FDPS: variants seen among roughly 807,000 people sequenced by gnomAD.
FDPS encodes the protein farnesyl diphosphate synthase.
Under a neutral mutation model 49.5 loss-of-function variants are expected in FDPS, and 29 were observed. The ratio of observed to expected loss-of-function variants is 0.59; its 90% CI spans 0.44 to 0.80. The LOEUF is 0.80. FDPS is among the 30% of genes least tolerant of loss of function. FDPS has a pLI of 0.00. For missense variants in FDPS, 414 were observed against 525.6 expected (o/e 0.79, Z 2.08); for synonymous variants, 172 against 206.4 (o/e 0.83, Z 1.43).
chr1:155,318,191 T>C lies in FDPS; in HGVS notation c.584T>C (p.Ile195Thr). Residue 195 changes from isoleucine to threonine, a missense_variant, in exon 6 of 11, where the codon ATC becomes ACC. Coordinates refer to ENST00000368356, the MANE Select transcript of FDPS (RefSeq NM_002004.4). The surrounding 1 kb of genome is among the most constrained non-coding windows in gnomAD (Gnocchi z 4.2). The stretch of plus-strand genomic sequence containing the variant: ...CAGCCGGGCGTGGGTTTGGATGCCA[T>C]CAATGATGCTAACCTCCTGGAAGCA... Reference protein sequence around the residue: ...YQKPGVGLDAINDANLLEACI... With the variant: ...YQKPGVGLDATNDANLLEACI... 1 of 1,614,124 alleles carries C rather than the reference T, an allele frequency of 6.2e-7. No homozygotes were observed. The highest frequency in any genetic ancestry group is 8.5e-7 in the Non-Finnish European group (1 of 1,180,008).
In FDPS at chr1:155,319,834, G is replaced by A; in HGVS notation, c.965G>A (p.Gly322Asp). Residue 322 changes from glycine to aspartate, a missense_variant, in exon 10 of 11, where the codon GGC becomes GAC. Physicochemically the swap from Gly to Asp is moderately conservative, Grantham distance 94. Coordinates refer to ENST00000368356, the MANE Select transcript of FDPS (RefSeq NM_002004.4). ...CTCTTTGGGGACCCCAGTGTGACCGGCAAAATTGGCACTGACATCCAGGAC... is the reference window on the plus strand; with the variant it reads ...CTCTTTGGGGACCCCAGTGTGACCGACAAAATTGGCACTGACATCCAGGAC... ...LDLFGDPSVT[G>D]KIGTDIQDNK... The A allele has an allele frequency of 6.2e-7, 1 of 1,614,144 alleles. No individual in the cohort carries two copies. The highest frequency in any genetic ancestry group is 2.2e-5 in the East Asian group (1 of 44,882).
At chr1:155,316,203 C>T (rs1386478917) in intron 4 of FDPS, among the ~76,000 whole-genome samples, 3 of 151,122 alleles carry the variant, frequency 2.0e-5, no homozygotes, top group Non-Finnish European at 4.4e-5. Flanking sequence ...TGCAGTGAGC[C>T]GAGATTGCGC....
At position 155,312,268 on chromosome 1, in the gene FDPS, A is replaced by C. The variant is rs907532468; in HGVS notation, c.353A>C (p.Asn118Thr). 2 of 1,613,908 alleles carry C rather than the reference A, an allele frequency of 1.2e-6. No individual in the cohort carries two copies. The highest frequency in any genetic ancestry group is 2.7e-5 in the African/African-American group (2 of 74,906). ...IARLKEVLEY[N>T]AIGGKYNRGL... The stretch of plus-strand genomic sequence containing the variant: ...CTTGCCCTCCAGGTCCTGGAGTACA[A>C]TGCCATTGGAGGCAAGTATAACCGG... The change falls in exon 4 of 11, where the codon AAT becomes ACT. Residue 118 changes from asparagine to threonine, a missense_variant. Physicochemically the swap from Asn to Thr is moderately conservative, Grantham distance 65. Coordinates refer to ENST00000368356, the MANE Select transcript of FDPS (RefSeq NM_002004.4).
In FDPS at chr1:155,320,549, A is replaced by T. The variant is rs1045294740; in HGVS notation, c.1200A>T (p.Ala400=). ...HIMALIEQYA[A]PLPPAVFLGL... is the part of the protein sequence containing the mutation. ...TGGCTCTCATTGAACAGTACGCAGC[A>T]CCCCTGCCCCCAGCCGTCTTTCTGG... Residue 400 remains alanine, a synonymous_variant, in exon 11 of 11, where the codon GCA becomes GCT. Coordinates refer to ENST00000368356, the MANE Select transcript of FDPS (RefSeq NM_002004.4). 1.2e-6 allele frequency: 2 copies of T among 1,614,032 alleles called. No homozygotes were observed. Among genetic ancestry groups the T allele is most frequent in the African/African-American group, 1.3e-5 (1 of 74,926 alleles).
intron 3 of FDPS, 24 bp downstream of exon 3, chr1:155,310,229 A>G: frequency 4.3e-6 from 7 of 1,610,968 alleles, no homozygotes; most frequent in Non-Finnish European, 5.1e-6. Flanking sequence ...GACTTGGGGG[A>G]GTAAGGCTTT....
Position 155,309,765 on chromosome 1 carries a change from G to C in FDPS, c.-1-24G>C, listed in dbSNP as rs774086411. On this transcript the variant is annotated intron_variant, in intron 1 of 10. Transcript: ENST00000368356. Reference sequence around the variant, plus strand: ...CTTGCCCCTGCAGGGAGTGCTTAGTGCCCCCTCCCTATGCCACTCCCAGGA... The same window carrying C: ...CTTGCCCCTGCAGGGAGTGCTTAGTCCCCCCTCCCTATGCCACTCCCAGGA... The C allele has an allele frequency of 3.3e-6, 5 of 1,510,598 alleles. No individual in the cohort carries two copies. The Admixed American group carries it at 1.0e-4, about 31-fold the overall frequency. The allele number at this position is 1,510,598 out of a possible 1,614,324, so 93.6% of individuals were successfully genotyped here.
chr1:155,311,724 A>T (rs1219298616), intron 3 of FDPS, among the ~76,000 whole-genome samples: 1 of 152,042 alleles, frequency 6.6e-6, no homozygotes, highest in Non-Finnish European at 1.5e-5. Context: ...GAGGTTTTAA[A>T]TTTATTGGGA....
chr1:155,318,470 C>G lies in FDPS; in HGVS notation c.684+179C>G, dbSNP rs555028332. ...TAGTGGCAAGAAAGGGCTTCTCTGT[C>G]CTGTGTAATTGGAAGAAAGGGTGAT... On this transcript the variant is annotated intron_variant, in intron 6 of 10. Transcript: ENST00000368356. This position sits in a 1 kb window ranked among gnomAD's most constrained non-coding sequence, Gnocchi z 4.2. The G allele has an allele frequency of 2.3e-6, 2 of 860,964 alleles. No individual in the cohort carries two copies. Among genetic ancestry groups the G allele is most frequent in the Non-Finnish European group, 3.7e-6 (2 of 541,956 alleles). The allele number at this position is 860,964 out of a possible 1,614,324, so 53.3% of individuals were successfully genotyped here. A position where few individuals can be genotyped will look rare whatever the true frequency, so the allele number is the denominator to read the frequency against.
intron 4 of FDPS, among the ~76,000 whole-genome samples, chr1:155,316,031 G>A (rs1432576095): frequency 6.6e-6 from 1 of 152,166 alleles, no homozygotes; most frequent in Non-Finnish European, 1.5e-5. Flanking sequence ...AAGGTGGATG[G>A]ATCACGTGAG....
At chr1:155,316,355 G>A (rs1477097195) in intron 4 of FDPS, among the ~76,000 whole-genome samples, 1 of 146,474 alleles carries the variant, frequency 6.8e-6, no homozygotes, top group Non-Finnish European at 1.5e-5. Flanking sequence ...GCGCTGGTGT[G>A]TGCCTATATC....
intron 3 of FDPS, chr1:155,310,431 C>T (rs1279138358): frequency 3.8e-6 from 2 of 528,040 alleles, no homozygotes; most frequent in Non-Finnish European, 6.7e-6. Flanking sequence ...CTGCCTCAGC[C>T]TTCTGAGTAG....
intron 10 of FDPS, 156 bp downstream of exon 10, chr1:155,320,084 C>A: frequency 1.2e-6 from 1 of 864,596 alleles, no homozygotes; most frequent in Non-Finnish European, 1.8e-6. Context: ...GCATGTGGTA[C>A]AGACATCTAG....
chr1:155,320,502 G>C lies in FDPS; in HGVS notation c.1153G>C (p.Glu385Gln). 6.2e-7 allele frequency: 1 copy of C among 1,614,066 alleles called. No individual in the cohort carries two copies. Residue 385 changes from glutamate to glutamine, a missense_variant, in exon 11 of 11, where the codon GAA (glutamate) becomes CAA (glutamine). By Grantham distance (29) the Glu-to-Gln change is conservative (BLOSUM62 2). Coordinates refer to ENST00000368356, the MANE Select transcript of FDPS (RefSeq NM_002004.4). ...GCCAGCAGTGTTCTTGCAATATGAG[G>C]AAGACAGTTACAGCCACATTATGGC... ...DLPAVFLQYE[E>Q]DSYSHIMALI...
In FDPS at chr1:155,318,276, C is replaced by T. The variant is rs747487713; in HGVS notation, c.669C>T (p.Ile223=). The change falls in exon 6 of 11, where the codon ATC becomes ATT. Residue 223 remains isoleucine, a synonymous_variant. Transcript: ENST00000368356. The surrounding 1 kb of genome is among the most constrained non-coding windows in gnomAD (Gnocchi z 4.2). ...AGCAGCCCTATTACCTGAACCTGAT[C>T]GAGCTCTTCCTGCAGGTGTATTGCA... ...CREQPYYLNL[I]ELFLQSSYQT... 3.0e-5 allele frequency: 49 copies of T among 1,612,192 alleles called. No individual in the cohort carries two copies. Among genetic ancestry groups the T allele is most frequent in the Admixed American group, 5.0e-5 (3 of 60,000 alleles).
chr1:155,309,719 A>G, intron 1 of FDPS, 70 bp from the exon 2 acceptor site: 2 of 1,363,734 alleles, frequency 1.5e-6, no homozygotes, highest in Non-Finnish European at 2.0e-6. Flanking sequence ...GGGAGCTGCC[A>G]CCATGCCTCT....
In FDPS at chr1:155,309,847, T is replaced by G; in HGVS notation, c.58T>G (p.Trp20Gly). The change falls in exon 2 of 11, where the codon TGG becomes GGG. Residue 20 changes from tryptophan (W) to glycine (G), a missense_variant. Trp to Gly is a radical substitution (Grantham distance 184). Transcript: ENST00000368356. Reference sequence around the variant, plus strand: ...GGTCTTCCTGCTGCCAGCCCCCTACTGGGCACCCCGGGAGAGGTGGCTGGG... The same window carrying G: ...GGTCTTCCTGCTGCCAGCCCCCTACGGGGCACCCCGGGAGAGGTGGCTGGG... ...VGVFLLPAPY[W>G]APRERWLGSL... The G allele has an allele frequency of 6.3e-7, 1 of 1,584,190 alleles. No individual in the cohort carries two copies. The highest frequency in any genetic ancestry group is 8.6e-7 in the Non-Finnish European group (1 of 1,162,756).
chr1:155,317,861 C>A, intron 4 of FDPS, 80 bp from the exon 5 acceptor site: 1 of 1,282,900 alleles, frequency 7.8e-7, no homozygotes, highest in Non-Finnish European at 1.1e-6. Context: ...AAACTATATA[C>A]AGATATAAAG....
intron 4 of FDPS, chr1:155,317,076 T>A (rs765894176): frequency 1.3e-5 from 2 of 152,172 alleles, no homozygotes; most frequent in Non-Finnish European, 2.9e-5. Flanking sequence ...TGTTTAAAGA[T>A]GTTTAAAGAT....
At chr1:155,309,549 C>T (rs1293190857) in intron 1 of FDPS, 1 of 423,510 alleles carries the variant, frequency 2.4e-6, no homozygotes, top group Non-Finnish European at 4.2e-6. Flanking sequence ...ATCTTGAAGG[C>T]ACTGAGTTCT....
Sources: gnomAD v4.1 joint callset for allele counts (sites outside exome capture counted in the v4.1 genomes callset) on GRCh38, gnomAD v4.1.1 for gene constraint, Gnocchi (gnomAD v3.1) non-coding constraint, MANE v1.5 for transcripts, NCBI Gene and HGNC (gene_info 2026-07-23, HGNC 2026-07-21) for gene names.